Variants in VAT1 observed in about 807,000 individuals in gnomAD.
The protein encoded by VAT1 is vesicle amine transport 1, also known as NADPH-dependent quinone oxidoreductase VAT1.
Under a neutral mutation model 33.3 loss-of-function variants are expected in VAT1, and 24 were observed. That is an observed-to-expected ratio of 0.72 (90% CI 0.52 to 1.01). The LOEUF (loss-of-function observed/expected upper bound fraction) is 1.01, where lower values mean the gene tolerates loss of function less well. Ranked by LOEUF, VAT1 falls within the 50% of genes least tolerant of loss-of-function variation. The probability of loss-of-function intolerance (pLI) is 0.00; values close to 1 mark genes in which losing one functional copy is unlikely to be tolerated. For missense variants in VAT1, 436 were observed against 533.7 expected, an observed-to-expected ratio of 0.82 and a Z score of 1.80; for synonymous variants, 212 against 225.0, an observed-to-expected ratio of 0.94 and a Z score of 0.52.
At chr17:43,021,625 T>TGGGGGG (rs2050569493) in intron 1 of VAT1, among the ~76,000 whole-genome samples, 3 of 33,478 alleles carry the variant, frequency 9.0e-5, no homozygotes, top group South Asian at 1.2e-3. Context: ...GGGGGGGGGG[T>TGGGGGG]GGGGACGGTA....
chr17:43,018,201 C>T lies in VAT1; in HGVS notation c.601G>A (p.Val201Met), dbSNP rs2050537280. The change falls in exon 3 of 6, where the codon GTG becomes ATG. Residue 201 changes from valine (V) to methionine (M), a missense_variant. By Grantham distance (21) the Val-to-Met change is conservative. Coordinates refer to ENST00000355653, the MANE Select transcript of VAT1 (RefSeq NM_006373.4). ...CACAGCTGCACGGCAGCCATACCCA[C>T]ACCCCCTGCAGCAAGACACCCATAA... is the stretch of plus-strand genomic sequence containing the variant. ...SVLVHMAAGG[V>M]GMAAVQLCRT... The T allele has an allele frequency of 1.2e-6, 2 of 1,606,302 alleles. No individual in the cohort carries two copies. Among genetic ancestry groups the T allele is most frequent in the Admixed American group, 3.3e-5 (2 of 59,856 alleles).
At position 43,022,229 on chromosome 17, in the gene VAT1, G is replaced by T; in HGVS notation, c.94C>A (p.Pro32Thr). The change falls in exon 1 of 6, where the codon CCC (proline) becomes ACC (threonine). Residue 32 changes from proline (P) to threonine (T), a missense_variant. By Grantham distance (38) the Pro-to-Thr change is conservative. Coordinates refer to ENST00000355653, the MANE Select transcript of VAT1 (RefSeq NM_006373.4). ...GCGGCGGCCCCTTCGGAGGCCGCGGGATGCTGGGGGTCGCTCGCTGCCTCG... is the reference window on the plus strand; with the variant it reads ...GCGGCGGCCCCTTCGGAGGCCGCGGTATGCTGGGGGTCGCTCGCTGCCTCG... ...KTEAASDPQH[P>T]AASEGAAAAA... 6.4e-7 allele frequency: 1 copy of T among 1,573,046 alleles called. No homozygotes were observed.
chr17:43,019,737 G>A (rs148445743), intron 1 of VAT1, among the ~76,000 whole-genome samples: 82 of 152,268 alleles, frequency 5.4e-4, no homozygotes, highest in African/African-American at 1.9e-3. Flanking sequence ...AGGAGGGAGC[G>A]TCAGGAGAAA....
intron 5 of VAT1, 71 bp from the exon 6 acceptor site, chr17:43,016,215 G>C: frequency 6.2e-7 from 1 of 1,611,454 alleles, no homozygotes; most frequent in Non-Finnish European, 8.5e-7. Context: ...GTGTGATGCA[G>C]GCAGCCCTCC....
intron 1 of VAT1, chr17:43,020,240 C>T (rs2050555256): frequency 1.0e-6 from 1 of 985,382 alleles, no homozygotes; most frequent in Non-Finnish European, 1.2e-6. Flanking sequence ...GAGGGAAGGG[C>T]CCTCCCCGCA....
intron 1 of VAT1, among the ~76,000 whole-genome samples, chr17:43,021,619 G>T (rs398041506): frequency 1.4e-3 from 164 of 113,370 alleles, no homozygotes; most frequent in African/African-American, 2.7e-3. Context: ...GGGGGGGGGG[G>T]GGGGGTGGGG....
chr17:43,021,606 T>TGGGGGGGGGGGGGGG (rs35999638), intron 1 of VAT1, among the ~76,000 whole-genome samples: 4 of 49,410 alleles, frequency 8.1e-5, no homozygotes, highest in African/African-American at 1.4e-4. Flanking sequence ...GTGGTTTTAA[T>TGGGGGGGGGGGGGGG]GGGGGGGGGG....
intron 1 of VAT1, among the ~76,000 whole-genome samples, chr17:43,020,743 C>T (rs2050559372): frequency 2.6e-5 from 4 of 151,704 alleles, no homozygotes; most frequent in Admixed American, 6.6e-5. Flanking sequence ...GGCATGGTGG[C>T]GCATGCCTGT....
chr17:43,021,110 C>G (rs974621192), intron 1 of VAT1, among the ~76,000 whole-genome samples: 1 of 152,146 alleles, frequency 6.6e-6, no homozygotes, highest in African/African-American at 2.4e-5. Context: ...ACTGGGGTTT[C>G]TGAAGTGGGG....
At chr17:43,017,780 ACCCCTTAGACCCTC>A (rs2050532692) in intron 4 of VAT1, 47 bp downstream of exon 4, 13 of 1,516,524 alleles carry the variant, frequency 8.6e-6, no homozygotes, top group Admixed American at 1.7e-5. Flanking sequence ...TCTATATCCC[ACCCCTTAGACCCTC>A]CCTCCTGCCC....
Position 43,022,267 on chromosome 17 carries a change from G to C in VAT1, c.56C>G (p.Pro19Arg). The C allele has an allele frequency of 6.3e-7, 1 of 1,590,354 alleles. No homozygotes were observed. Among genetic ancestry groups the C allele is most frequent in the Non-Finnish European group, 8.5e-7 (1 of 1,170,466 alleles). The change falls in exon 1 of 6, where the codon CCG becomes CGG. Residue 19 changes from proline (P) to arginine (R), a missense_variant. Pro to Arg is a moderately radical substitution (Grantham distance 103). This residue lies in a region of VAT1 where 154 missense variants were observed against 128.3 expected (regional missense o/e 1.20). Transcript: ENST00000355653. ...GCTCGCTGCCTCGGTTTTCGGAGGC[G>C]GCGAAGAGGCGTCTTCCCCGGTCGC... Reference protein sequence around the residue: ...EAATGEDASSPPPKTEAASDP... With the variant: ...EAATGEDASSRPPKTEAASDP...
At chr17:43,019,412 A>C (rs2050547352) in intron 1 of VAT1, 1 of 152,712 alleles carries the variant, frequency 6.5e-6, no homozygotes, top group East Asian at 1.9e-4. Context: ...CAAGGAAGTC[A>C]CACAACCAAA....
At position 43,021,940 on chromosome 17, in the gene VAT1, C is replaced by A; in HGVS notation, c.383G>T (p.Arg128Leu). 1.2e-6 allele frequency: 2 copies of A among 1,610,544 alleles called. No individual in the cohort carries two copies. Among genetic ancestry groups the A allele is most frequent in the South Asian group, 1.1e-5 (1 of 90,928 alleles). Residue 128 changes from arginine to leucine, a missense_variant, in exon 1 of 6, where the codon CGC becomes CTC. Physicochemically the swap from Arg to Leu is moderately radical, Grantham distance 102. Coordinates refer to ENST00000355653, the MANE Select transcript of VAT1 (RefSeq NM_006373.4). ...TGCCCTACGCAACCCGCTCACCTTGCGGTCGCTGACTCCCTCGCCCACTGC... is the reference window on the plus strand; with the variant it reads ...TGCCCTACGCAACCCGCTCACCTTGAGGTCGCTGACTCCCTCGCCCACTGC... Reference protein sequence around the residue: ...VIAVGEGVSDRKAGDRVMVLN... With the variant: ...VIAVGEGVSDLKAGDRVMVLN...
intron 1 of VAT1, among the ~76,000 whole-genome samples, chr17:43,021,027 G>A (rs1354704922): frequency 6.6e-6 from 1 of 152,124 alleles, no homozygotes; most frequent in Non-Finnish European, 1.5e-5. Context: ...AAATGAGAAG[G>A]AGAAACAGGC....
intron 1 of VAT1, among the ~76,000 whole-genome samples, chr17:43,021,096 T>C (rs1474937735): frequency 6.6e-6 from 1 of 152,076 alleles, no homozygotes; most frequent in Non-Finnish European, 1.5e-5. Context: ...TCCAAACCCC[T>C]GGCACTGGGG....
In VAT1 at chr17:43,017,885, T is replaced by C. The variant is rs1204452002; in HGVS notation, c.812A>G (p.Lys271Arg). The C allele has an allele frequency of 1.9e-6, 3 of 1,614,066 alleles. No homozygotes were observed. Among genetic ancestry groups the C allele is most frequent in the African/African-American group, 2.7e-5 (2 of 74,912 alleles). The change falls in exon 4 of 6, where the codon AAG becomes AGG. Residue 271 changes from lysine to arginine, a missense_variant. Coordinates refer to ENST00000355653, the MANE Select transcript of VAT1 (RefSeq NM_006373.4). Reference protein sequence around the residue: ...MDPLGGSDTAKGYNLLKPMGK... With the variant: ...MDPLGGSDTARGYNLLKPMGK... ...CATGGGTTTCAGGAGGTTGTAGCCC[T>C]TGGCAGTATCTGACCCACCCAGAGG...
At position 43,016,064 on chromosome 17, in the gene VAT1, G is replaced by C. The variant is rs769594522; in HGVS notation, c.1179C>G (p.Asn393Lys). 5 of 1,614,172 alleles carry C rather than the reference G, an allele frequency of 3.1e-6. No individual in the cohort carries two copies. The highest frequency in any genetic ancestry group is 3.3e-5 in the Admixed American group (2 of 60,028). ...VLLVPGPEKEN is the reference protein window; with the variant it reads ...VLLVPGPEKEK ...TAGGGTCTCACAGCCACTTGCCCTAGTTCTCCTTCTCTGGCCCTGGAACCA... is the reference window on the plus strand; with the variant it reads ...TAGGGTCTCACAGCCACTTGCCCTACTTCTCCTTCTCTGGCCCTGGAACCA... Residue 393 changes from asparagine to lysine, a missense_variant, in exon 6 of 6, where the codon AAC (asparagine) becomes AAG (lysine). Transcript: ENST00000355653.
At chr17:43,021,606 T>TGGGGGGGGGGGGGGGGTGGGG (rs2050568111) in intron 1 of VAT1, among the ~76,000 whole-genome samples, 1 of 49,410 alleles carries the variant, frequency 2.0e-5, no homozygotes, top group Non-Finnish European at 4.2e-5. Context: ...GTGGTTTTAA[T>TGGGGGGGGGGGGGGGGTGGGG]GGGGGGGGGG....
At chr17:43,018,265 A>C in intron 2 of VAT1, 59 bp from the exon 3 acceptor site, 1 of 1,555,304 alleles carries the variant, frequency 6.4e-7, no homozygotes, top group Non-Finnish European at 8.7e-7. Context: ...CAACCACTCC[A>C]TTCTAGCCTC....
Sources: gnomAD v4.1 joint callset for allele counts (sites outside exome capture counted in the v4.1 genomes callset) on GRCh38, gnomAD v4.1.1 for gene constraint, gnomAD v4.1.1 regional missense constraint, MANE v1.5 for transcripts, NCBI Gene and HGNC (gene_info 2026-07-23, HGNC 2026-07-21) for gene names.